CNTNAP1: variants seen among roughly 807,000 people sequenced by gnomAD.
CNTNAP1 encodes the protein contactin associated protein 1.
In CNTNAP1, 80 loss-of-function variants were observed where a neutral mutation model predicts 161.5. That is an observed-to-expected ratio of 0.50 (90% confidence interval 0.41 to 0.60). The LOEUF (loss-of-function observed/expected upper bound fraction) is 0.60, where lower values mean the gene tolerates loss of function less well. Ranked by LOEUF, CNTNAP1 falls within the 20% of genes least tolerant of loss-of-function variation. The pLI is 0.00. For missense variants in CNTNAP1, 1,464 were observed against 1,854.8 expected (o/e 0.79, Z 3.87); for synonymous variants, 695 against 733.1 (o/e 0.95, Z 0.84).
Position 42,684,087 on chromosome 17 carries a change from T to C in CNTNAP1, c.221T>C (p.Ile74Thr). The C allele has an allele frequency of 2.5e-6, 4 of 1,614,208 alleles. No individual in the cohort carries two copies. The highest frequency in any genetic ancestry group is 3.4e-6 in the Non-Finnish European group (4 of 1,180,026). Residue 74 changes from isoleucine to threonine, a missense_variant, in exon 3 of 24, where the codon ATA (isoleucine) becomes ACA (threonine). Physicochemically the swap from Ile to Thr is moderately conservative, Grantham distance 89. Around this residue, in one of 3 missense-constraint regions of CNTNAP1, gnomAD observed 1,383 missense variants for 1,765.0 expected, o/e 0.78. Coordinates refer to ENST00000264638, the MANE Select transcript of CNTNAP1 (RefSeq NM_003632.3). The stretch of plus-strand genomic sequence containing the variant: ...GGGGATCCGAATCCCTGGCTCCAGA[T>C]AGACTTAATGAAGAAGCACCGGATC... ...RIGDPNPWLQ[I>T]DLMKKHRIRA... is the part of the protein sequence containing the mutation.
rs1439925372 is a variant in CNTNAP1, at chr17:42,698,670, T to C, written c.3915T>C (p.Tyr1305=). 2 of 1,610,360 alleles carry C rather than the reference T, an allele frequency of 1.2e-6. No individual in the cohort carries two copies. Among genetic ancestry groups the C allele is most frequent in the Non-Finnish European group, 1.7e-6 (2 of 1,177,286 alleles). Reference sequence around the variant, plus strand: ...TGGTGGGAATGTTGGTGCTCTTCTATCTGCAAAATCATCGCTATAAGGGCT... The same window carrying C: ...TGGTGGGAATGTTGGTGCTCTTCTACCTGCAAAATCATCGCTATAAGGGCT... ...LGLVGMLVLF[Y]LQNHRYKGSY... Residue 1305 remains tyrosine (Y), a synonymous_variant, in exon 24 of 24, where the codon TAT becomes TAC. Coordinates refer to ENST00000264638, the MANE Select transcript of CNTNAP1 (RefSeq NM_003632.3).
intron 18 of CNTNAP1, among the ~76,000 whole-genome samples, chr17:42,694,464 G>A (rs146977710): frequency 0.014 from 2,114 of 152,104 alleles, 49 homozygotes; most frequent in African/African-American, 0.048. Flanking sequence ...GAGCCACAGC[G>A]CCTGGCAAAA....
At chr17:42,683,590 G>T (rs1567968782) in intron 1 of CNTNAP1, 1 of 1,403,570 alleles carries the variant, frequency 7.1e-7, no homozygotes, top group Middle Eastern at 2.7e-4. Flanking sequence ...CTGGCCTTGG[G>T]CCTATAGGTG....
Position 42,685,224 on chromosome 17 carries a change from C to T in CNTNAP1, c.519C>T (p.Asp173=). 1 of 1,613,782 alleles carries T rather than the reference C, an allele frequency of 6.2e-7. No individual in the cohort carries two copies. The change falls in exon 5 of 24, where the codon GAC becomes GAT. Residue 173 remains aspartate, a synonymous_variant. Transcript: ENST00000264638. This position sits in a 1 kb window ranked among gnomAD's most constrained non-coding sequence, Gnocchi z 5.0. ...CTACGGTCCTTTGCGCAGAGGCCGA[C>T]ATACTCTATTTCGACGGCGACGATG... ...LGLYGCPYKA[D]ILYFDGDDAI...
At chr17:42,683,674 A>C in intron 1 of CNTNAP1, 147 bp from the exon 2 acceptor site, 2 of 1,444,302 alleles carry the variant, frequency 1.4e-6, no homozygotes, top group Non-Finnish European at 1.8e-6. Flanking sequence ...CCAGGATTGA[A>C]TAGATGGCTT....
In CNTNAP1 at chr17:42,696,117, A is replaced by C. The variant is rs140065370; in HGVS notation, c.3439A>C (p.Asn1147His). Residue 1147 changes from asparagine (N) to histidine (H), a missense_variant, in exon 20 of 24, where the codon AAT becomes CAT. This residue lies in a region of CNTNAP1 where 1,383 missense variants were observed against 1,765.0 expected (regional missense o/e 0.78). Coordinates refer to ENST00000264638, the MANE Select transcript of CNTNAP1 (RefSeq NM_003632.3). ...PVTDGQPHSI[N>H]ITRVYRNLFI... ...GACCGATGGCCAGCCCCATAGCATC[A>C]ATATCACCCGTGTTTACCGGAACCT... 1.9e-6 allele frequency: 3 copies of C among 1,614,032 alleles called. No individual in the cohort carries two copies. The East Asian group carries it at 6.7e-5, about 36-fold the overall frequency.
chr17:42,688,052 G>A lies in CNTNAP1; in HGVS notation c.1306+71G>A, dbSNP rs1973521. The A allele has an allele frequency of 0.067, 104,134 of 1,548,392 alleles. 3,981 individuals are homozygous for A. The highest frequency in any genetic ancestry group is 0.14 in the Admixed American group (7,248 of 53,284). ...AGGATCCCAGGAAAGTTGTAGGCCT[G>A]GACTGAGGCCTTTACATTCTGGAGA... On this transcript the variant is annotated intron_variant, in intron 8 of 23. Coordinates refer to ENST00000264638, the MANE Select transcript of CNTNAP1 (RefSeq NM_003632.3).
chr17:42,697,462 C>T, intron 21 of CNTNAP1, 92 bp from the exon 22 acceptor site: 2 of 1,605,980 alleles, frequency 1.2e-6, no homozygotes, highest in Non-Finnish European at 1.7e-6. Flanking sequence ...TGGCTGAGGG[C>T]AGTGGGAAGG....
chr17:42,687,608 C>A lies in CNTNAP1; in HGVS notation c.1045-112C>A. The A allele has an allele frequency of 7.1e-7, 1 of 1,404,278 alleles. No homozygotes were observed. The allele number at this position is 1,404,278 out of a possible 1,614,324, so 87.0% of individuals were successfully genotyped here. A position where few individuals can be genotyped will look rare whatever the true frequency, so the allele number is the denominator to read the frequency against. On this transcript the variant is annotated intron_variant, in intron 7 of 23. Coordinates refer to ENST00000264638, the MANE Select transcript of CNTNAP1 (RefSeq NM_003632.3). This position sits in a 1 kb window ranked among gnomAD's most constrained non-coding sequence, Gnocchi z 4.7. Reference sequence around the variant, plus strand: ...GTCATGGTTGGAGATCTCACCCCCGCCAACACCGAAGGAGGGCGGTGACCA... The same window carrying A: ...GTCATGGTTGGAGATCTCACCCCCGACAACACCGAAGGAGGGCGGTGACCA...
chr17:42,688,638 C>T (rs1173807243), intron 9 of CNTNAP1, 27 bp downstream of exon 9: 3 of 1,613,988 alleles, frequency 1.9e-6, no homozygotes, highest in Non-Finnish European at 2.5e-6. Context: ...CTGACCAGAC[C>T]TCTGTTTCTG....
Position 42,685,825 on chromosome 17 carries a change from T to C in CNTNAP1, c.716-132T>C, listed in dbSNP as rs369731323. 5.9e-5 allele frequency: 54 copies of C among 911,344 alleles called. 4 individuals are homozygous for C. The South Asian group carries it at 8.4e-4, about 14-fold the overall frequency. The allele number at this position is 911,344 out of a possible 1,614,324, so 56.5% of individuals were successfully genotyped here. On this transcript the variant is annotated intron_variant, in intron 5 of 23. Coordinates refer to ENST00000264638, the MANE Select transcript of CNTNAP1 (RefSeq NM_003632.3). This position sits in a 1 kb window ranked among gnomAD's most constrained non-coding sequence, Gnocchi z 5.0. ...GCTTACCCTGTCACACACTCGCCAA[T>C]GGCTGTTGATCTATTCGCCCACTCT...
At chr17:42,694,326 C>T (rs1238963218) in intron 18 of CNTNAP1, among the ~76,000 whole-genome samples, 1 of 152,034 alleles carries the variant, frequency 6.6e-6, no homozygotes, top group African/African-American at 2.4e-5. Flanking sequence ...TGTGTGCCAC[C>T]ACACCCGGCT....
intron 10 of CNTNAP1, 100 bp downstream of exon 10, chr17:42,689,147 T>C: frequency 2.4e-6 from 3 of 1,233,118 alleles, no homozygotes; most frequent in Non-Finnish European, 2.2e-6. Context: ...TCTCCTTGTC[T>C]CTGCTCCTTA....
intron 12 of CNTNAP1, 64 bp downstream of exon 12, chr17:42,690,271 G>T: frequency 1.3e-6 from 2 of 1,590,264 alleles, no homozygotes; most frequent in East Asian, 2.3e-5. Context: ...AGTGGTGGGT[G>T]GGGGCCAGTT....
chr17:42,691,354 G>C lies in CNTNAP1; in HGVS notation c.2217-30G>C, dbSNP rs767923889. ...GGGAGTGGGAGGAGCTGAGTGGCTG[G>C]GGCTGAGCCATGACATCCTGCCCCC... On this transcript the variant is annotated intron_variant, in intron 14 of 23. Coordinates refer to ENST00000264638, the MANE Select transcript of CNTNAP1 (RefSeq NM_003632.3). This position sits in a 1 kb window ranked among gnomAD's most constrained non-coding sequence, Gnocchi z 4.3. The C allele has an allele frequency of 1.2e-6, 2 of 1,614,042 alleles. No individual in the cohort carries two copies. Among genetic ancestry groups the C allele is most frequent in the Admixed American group, 1.7e-5 (1 of 60,010 alleles).
intron 6 of CNTNAP1, among the ~76,000 whole-genome samples, chr17:42,686,475 T>TTTTTTG (rs762279830): frequency 0.015 from 1,635 of 109,816 alleles, 66 homozygotes; most frequent in South Asian, 0.033. Context: ...GCCTGTTTTT[T>TTTTTTG]TTTTTTTTTT....
intron 10 of CNTNAP1, 134 bp from the exon 11 acceptor site, chr17:42,689,387 C>T (rs1254289120): frequency 3.0e-6 from 2 of 672,852 alleles, no homozygotes; most frequent in Non-Finnish European, 5.2e-6. Flanking sequence ...TGCGCTTATA[C>T]CCGGCTGGCT....
chr17:42,693,454 T>C lies in CNTNAP1; in HGVS notation c.2910T>C (p.His970=), dbSNP rs778335256. ...HCAHPRLPCF[H]GGRCVERYSY... is the part of the protein sequence containing the mutation. ...CCCACCCTCGGCTCCCCTGTTTCCA[T>C]GGAGGCCGCTGCGTGGAGCGCTATA... Residue 970 remains histidine (H), a synonymous_variant, in exon 18 of 24, where the codon CAT becomes CAC. Coordinates refer to ENST00000264638, the MANE Select transcript of CNTNAP1 (RefSeq NM_003632.3). The C allele has an allele frequency of 3.4e-5, 55 of 1,614,096 alleles. No homozygotes were observed. The highest frequency in any genetic ancestry group is 1.3e-5 in the African/African-American group (1 of 74,952).
At chr17:42,690,007 T>C (rs1449124434) in intron 11 of CNTNAP1, 81 bp from the exon 12 acceptor site, 2 of 1,530,570 alleles carry the variant, frequency 1.3e-6, no homozygotes, top group African/African-American at 2.7e-5. Context: ...CCCAAAGTGC[T>C]GGGATTACAG....
Sources: gnomAD v4.1 joint callset for allele counts (sites outside exome capture counted in the v4.1 genomes callset) on GRCh38, gnomAD v4.1.1 for gene constraint, gnomAD v4.1.1 regional missense constraint, Gnocchi (gnomAD v3.1) non-coding constraint, MANE v1.5 for transcripts, NCBI Gene and HGNC (gene_info 2026-07-23, HGNC 2026-07-21) for gene names.